Variants in RYR2 observed in about 807,000 individuals in gnomAD.
RYR2 encodes cardiac muscle ryanodine receptor-calcium release channel.
In RYR2, 227 loss-of-function variants were observed where a neutral mutation model predicts 601.1. The ratio of observed to expected loss-of-function variants is 0.38; its 90% CI spans 0.34 to 0.42. The LOEUF (loss-of-function observed/expected upper bound fraction) is 0.42, where lower values mean the gene tolerates loss of function less well. RYR2 is among the 10% of genes least tolerant of loss of function. RYR2 has a pLI of 1.00. For synonymous variants in RYR2, 2,223 were observed against 2,175.1 expected, an observed-to-expected ratio of 1.02 and a Z score of -0.61; for missense variants, 4,646 against 6,156.5, an observed-to-expected ratio of 0.75 and a Z score of 8.21.
intron 1 of RYR2, among the ~76,000 whole-genome samples, chr1:237,230,562 C>A (rs1464892481): frequency 1.3e-5 from 2 of 152,088 alleles, no homozygotes; most frequent in Non-Finnish European, 2.9e-5. Context: ...GCAGACTTAG[C>A]CCTTCCCCTG....
intron 14 of RYR2, among the ~76,000 whole-genome samples, chr1:237,452,864 T>G (rs1658369344): frequency 6.6e-6 from 1 of 151,828 alleles, no homozygotes; most frequent in African/African-American, 2.4e-5. Flanking sequence ...ATAACATAAT[T>G]AATAATTTTA....
chr1:237,625,852 T>G (rs1679590468), intron 40 of RYR2, 48 bp downstream of exon 40: 1 of 1,594,138 alleles, frequency 6.3e-7, no homozygotes, highest in African/African-American at 1.3e-5. Flanking sequence ...CTGCTGACAC[T>G]TAACTCATCC....
intron 63 of RYR2, among the ~76,000 whole-genome samples, chr1:237,695,726 G>GCTT (rs1386994746): frequency 3.3e-5 from 5 of 152,062 alleles, no homozygotes; most frequent in Admixed American, 1.3e-4. Context: ...ATTATTTTAG[G>GCTT]CTTCTTACAC....
At chr1:237,414,466 C>G (rs1233157284) in intron 10 of RYR2, among the ~76,000 whole-genome samples, 1 of 152,112 alleles carries the variant, frequency 6.6e-6, no homozygotes, top group Non-Finnish European at 1.5e-5. Context: ...GTCCAGCAAT[C>G]TCTTTTTAAA....
At chr1:237,711,509 C>G (rs562875603) in intron 70 of RYR2, among the ~76,000 whole-genome samples, 41 of 152,188 alleles carry the variant, frequency 2.7e-4, no homozygotes, top group Non-Finnish European at 5.4e-4. Context: ...ATGAAATTTT[C>G]TGAATCTTAG....
intron 84 of RYR2, among the ~76,000 whole-genome samples, chr1:237,763,500 A>G (rs1334871111): frequency 6.6e-6 from 1 of 152,192 alleles, no homozygotes; most frequent in East Asian, 1.9e-4. Flanking sequence ...ATCAAAACTA[A>G]TTTTTATTTT....
In RYR2 at chr1:237,445,389, G is replaced by T; in HGVS notation, c.1171-12G>T. 2 of 1,610,612 alleles carry T rather than the reference G, an allele frequency of 1.2e-6. No homozygotes were observed. The highest frequency in any genetic ancestry group is 8.5e-7 in the Non-Finnish European group (1 of 1,178,594). Reference sequence around the variant, plus strand: ...CGTTGGGAGTAATGGCCTTATTTTTGCTTTCTTACAGGCTATTATGCATCA... The same window carrying T: ...CGTTGGGAGTAATGGCCTTATTTTTTCTTTCTTACAGGCTATTATGCATCA... On this transcript the variant is annotated splice_polypyrimidine_tract_variant and intron_variant, in intron 13 of 104. Transcript: ENST00000366574.
At chr1:237,085,681 G>A (rs1047825215) in intron 1 of RYR2, among the ~76,000 whole-genome samples, 1 of 152,178 alleles carries the variant, frequency 6.6e-6, no homozygotes, top group Non-Finnish European at 1.5e-5. Context: ...GGAGGGGCCT[G>A]GAATCCTGGG....
At chr1:237,825,872 C>T (rs575831464) in intron 101 of RYR2, among the ~76,000 whole-genome samples, 1 of 152,152 alleles carries the variant, frequency 6.6e-6, no homozygotes, top group Non-Finnish European at 1.5e-5. Flanking sequence ...TGAACAGACA[C>T]TTCTCAAAAG....
intron 54 of RYR2, among the ~76,000 whole-genome samples, chr1:237,658,838 C>T (rs193051086): frequency 1.8e-4 from 28 of 152,234 alleles, no homozygotes; most frequent in East Asian, 1.2e-3. Context: ...TAGATTACAT[C>T]GGCCAGGTGA....
chr1:237,269,070 T>C (rs1317527172), intron 1 of RYR2, among the ~76,000 whole-genome samples: 2,667 of 123,510 alleles, frequency 0.022, 226 homozygotes, highest in African/African-American at 0.07. Flanking sequence ...GAGACAGAGT[T>C]TCGCTCTTGT....
intron 41 of RYR2, 82 bp downstream of exon 41, chr1:237,628,162 T>C (rs1679874181): frequency 1.4e-6 from 2 of 1,413,514 alleles, no homozygotes; most frequent in Non-Finnish European, 1.9e-6. Context: ...ATTAACTACA[T>C]TGATAAAAAT....
At chr1:237,143,919 A>G (rs1160410162) in intron 1 of RYR2, among the ~76,000 whole-genome samples, 1 of 152,190 alleles carries the variant, frequency 6.6e-6, no homozygotes, top group Non-Finnish European at 1.5e-5. Context: ...TCAAGAGGTC[A>G]GGAGTTTGAG....
intron 16 of RYR2, among the ~76,000 whole-genome samples, chr1:237,467,617 C>G (rs1660226981): frequency 6.6e-6 from 1 of 152,116 alleles, no homozygotes; most frequent in South Asian, 2.1e-4. Flanking sequence ...GCGCTATACA[C>G]AAAAAAGCTC....
chr1:237,240,665 CAAAAAAAAAAAAAA>C (rs35984919), intron 1 of RYR2, among the ~76,000 whole-genome samples: 1 of 55,146 alleles, frequency 1.8e-5, no homozygotes, highest in Non-Finnish European at 3.3e-5. Flanking sequence ...CTATAAAAGC[CAAAAAAAAAAAAAA>C]AAAAAAAAAA....
At chr1:237,738,876 C>A (rs1691369494) in intron 79 of RYR2, among the ~76,000 whole-genome samples, 1 of 152,112 alleles carries the variant, frequency 6.6e-6, no homozygotes, top group African/African-American at 2.4e-5. Context: ...AATAAAGGAA[C>A]AAATGTCATA....
At chr1:237,541,783 G>T (rs1669294699) in intron 25 of RYR2, among the ~76,000 whole-genome samples, 1 of 152,116 alleles carries the variant, frequency 6.6e-6, no homozygotes, top group Admixed American at 6.5e-5. Flanking sequence ...GGGGTCACAA[G>T]GTGTTCAGTG....
chr1:237,425,733 TGAG>T (rs1383805216), intron 12 of RYR2, among the ~76,000 whole-genome samples: 5 of 150,952 alleles, frequency 3.3e-5, no homozygotes, highest in Non-Finnish European at 1.5e-5. Context: ...TTGTGTAGGC[TGAG>T]GAGGAGGAGG....
At chr1:237,720,491 G>A (rs1689627635) in intron 73 of RYR2, among the ~76,000 whole-genome samples, 1 of 152,196 alleles carries the variant, frequency 6.6e-6, no homozygotes, top group Non-Finnish European at 1.5e-5. Flanking sequence ...ATTACTATTA[G>A]AGTATGATCT....
Sources: allele counts gnomAD v4.1 joint callset (sites outside exome capture counted in the v4.1 genomes callset), GRCh38; gene constraint gnomAD v4.1.1; transcripts MANE v1.5; gene names NCBI Gene and HGNC (gene_info 2026-07-23, HGNC 2026-07-21).